Variants in ADAMTS9 observed in about 807,000 individuals in gnomAD.
ADAMTS9 encodes the protein ADAM metallopeptidase with thrombospondin type 1 motif 9.
A neutral mutation model predicts 257.1 loss-of-function variants in ADAMTS9; 107 were observed. The ratio of observed to expected loss-of-function variants is 0.42; its 90% CI spans 0.36 to 0.49. The LOEUF (loss-of-function observed/expected upper bound fraction) is 0.49, where lower values mean the gene tolerates loss of function less well. Ranked by LOEUF, ADAMTS9 falls within the 20% of genes least tolerant of loss-of-function variation. The pLI, the probability that ADAMTS9 is intolerant of heterozygous loss-of-function variation, is 0.03. For synonymous variants in ADAMTS9, 982 were observed against 880.9 expected (o/e 1.11, Z -2.03); for missense variants, 2,353 against 2,469.1 (o/e 0.95, Z 1.00).
rs760094936 is a variant in ADAMTS9, at chr3:64,550,980, C to T, written c.4781G>A (p.Arg1594His). The T allele has an allele frequency of 3.2e-5, 52 of 1,614,100 alleles. No individual in the cohort carries two copies. Among genetic ancestry groups the T allele is most frequent in the Admixed American group, 1.5e-4 (9 of 60,008 alleles). Residue 1594 changes from arginine to histidine, a missense_variant, in exon 31 of 40, where the codon CGC becomes CAC. Arg to His is a conservative substitution (Grantham distance 29, BLOSUM62 0). Coordinates refer to ENST00000498707, the MANE Select transcript of ADAMTS9 (RefSeq NM_182920.2). ...DDNKNEVHGA[R>H]CDVSKRPVDR... ...CACCGGCCGCTTGCTCACGTCACAG[C>T]GTGCCCCATGCACCTCGTTTTTGTT... is the stretch of plus-strand genomic sequence containing the variant.
chr3:64,666,457 C>A (rs1701355921), intron 3 of ADAMTS9, among the ~76,000 whole-genome samples: 1 of 152,194 alleles, frequency 6.6e-6, no homozygotes, highest in Non-Finnish European at 1.5e-5. Flanking sequence ...GGCGAGACCC[C>A]TTTCTGCTCC....
At chr3:64,637,355 T>G (rs1225601437) in intron 12 of ADAMTS9, among the ~76,000 whole-genome samples, 2 of 152,204 alleles carry the variant, frequency 1.3e-5, no homozygotes, top group African/African-American at 4.8e-5. Flanking sequence ...ACTTCCCAAC[T>G]ATTAAGATCC....
intron 28 of ADAMTS9, among the ~76,000 whole-genome samples, chr3:64,593,184 C>T (rs2084294364): frequency 6.6e-6 from 1 of 152,062 alleles, no homozygotes; most frequent in Admixed American, 6.6e-5. Flanking sequence ...TAGATTTCTG[C>T]CTAATACAAA....
intron 19 of ADAMTS9, among the ~76,000 whole-genome samples, chr3:64,617,416 C>A (rs552778588): frequency 6.6e-6 from 1 of 152,258 alleles, no homozygotes; most frequent in Middle Eastern, 3.4e-3. Context: ...AGAATCTGAG[C>A]AGAGAATCTT....
At chr3:64,522,497 T>C (rs1426697592) in intron 38 of ADAMTS9, 5 of 360,490 alleles carry the variant, frequency 1.4e-5, no homozygotes, top group Admixed American at 4.5e-5. Context: ...TTTATATTTT[T>C]AAATAATTGA....
In ADAMTS9 at chr3:64,627,802, G is replaced by A. The variant is rs200414471; in HGVS notation, c.2389+3653C>T. Among the ~76,000 whole-genome samples the A allele has an allele frequency of 2.6e-5, 4 of 151,880 alleles. No homozygotes were observed. In the South Asian group the frequency reaches 8.3e-4, roughly 32 times the overall value. On this transcript the variant is annotated intron_variant, in intron 16 of 39. Transcript: ENST00000498707. The stretch of plus-strand genomic sequence containing the variant: ...TAGAATACACAGAAAAGTATGGCTT[G>A]GCTGACACTGAAAAAAAACATAAGG...
In ADAMTS9 at chr3:64,533,168, G is replaced by A; in HGVS notation, c.5716C>T (p.Pro1906Ser). Residue 1906 changes from proline (P) to serine (S), a missense_variant and splice_region_variant, in exon 38 of 40, where the codon CCG (proline) becomes TCG (serine). By Grantham distance (74) the Pro-to-Ser change is moderately conservative. Transcript: ENST00000498707. The stretch of plus-strand genomic sequence containing the variant: ...CCAACCCATCTGTAGAACCTTACCG[G>A]CGACTTCTTGATGTCAGAGACAGCA... ...NYAVSDIKKSPDGTRVVGKCG... is the reference protein window; with the variant it reads ...NYAVSDIKKSSDGTRVVGKCG... The A allele has an allele frequency of 6.2e-7, 1 of 1,612,262 alleles. No homozygotes were observed. The highest frequency in any genetic ancestry group is 8.5e-7 in the Non-Finnish European group (1 of 1,178,484).
intron 10 of ADAMTS9, among the ~76,000 whole-genome samples, chr3:64,648,499 T>C (rs1700851213): frequency 6.6e-6 from 1 of 152,232 alleles, no homozygotes; most frequent in Non-Finnish European, 1.5e-5. Context: ...CTAAACACTC[T>C]GTTTTTTAGA....
In ADAMTS9 at chr3:64,518,841, G is replaced by A. The variant is rs951850613; in HGVS notation, c.*6-1720C>T. 3.6e-4 allele frequency among the ~76,000 whole-genome samples: 54 copies of A among 148,306 alleles called. 1 individual carries two copies. Among genetic ancestry groups the A allele is most frequent in the African/African-American group, 1.3e-3 (54 of 40,150 alleles). ...AGGCTGGAGTGCAGTGGCGGGGCGT[G>A]GTCTTGGCTGACTGCAACCTCTGTC... On this transcript the variant is annotated intron_variant, in intron 39 of 39. Transcript: ENST00000498707.
intron 28 of ADAMTS9, among the ~76,000 whole-genome samples, chr3:64,578,108 T>C (rs974469542): frequency 4.6e-5 from 7 of 152,198 alleles, no homozygotes; most frequent in African/African-American, 1.4e-4. Context: ...TGAGCCTGTA[T>C]CCAGAGAAAT....
Position 64,578,170 on chromosome 3 carries a change from C to T in ADAMTS9, c.4357-9635G>A, listed in dbSNP as rs60831751. ...ATTTTAACCATTATCAAATTAGATG[C>T]TCATCCTCCAATTTAGCATTGCTCT... On this transcript the variant is annotated intron_variant, in intron 28 of 39. Transcript: ENST00000498707. Among the ~76,000 whole-genome samples the T allele has an allele frequency of 5.1e-3, 774 of 152,250 alleles. 2 individuals are homozygous for T. Among genetic ancestry groups the T allele is most frequent in the African/African-American group, 0.018 (748 of 41,546 alleles).
intron 12 of ADAMTS9, among the ~76,000 whole-genome samples, chr3:64,638,113 A>T (rs9852665): frequency 0.55 from 83,066 of 152,010 alleles, 24,104 homozygotes; most frequent in African/African-American, 0.75. Context: ...AATCCTTTTA[A>T]CCCTCAAATC....
At chr3:64,603,565 G>A (rs1277901027) in intron 25 of ADAMTS9, among the ~76,000 whole-genome samples, 1 of 152,072 alleles carries the variant, frequency 6.6e-6, no homozygotes, top group Non-Finnish European at 1.5e-5. Flanking sequence ...TAGACTCAGA[G>A]TAAGAGCCTC....
intron 28 of ADAMTS9, among the ~76,000 whole-genome samples, chr3:64,586,147 G>A (rs11715530): frequency 0.17 from 25,407 of 152,110 alleles, 2,803 homozygotes; most frequent in Non-Finnish European, 0.24. Flanking sequence ...CTACTGAGCA[G>A]TGAGATCAAC....
chr3:64,616,344 G>A, intron 19 of ADAMTS9, among the ~76,000 whole-genome samples, 174 bp from the exon 20 acceptor site: 1 of 152,164 alleles, frequency 6.6e-6, no homozygotes, highest in Non-Finnish European at 1.5e-5. Flanking sequence ...ACATATCCAT[G>A]TGTTTTTCAT....
At position 64,561,802 on chromosome 3, in the gene ADAMTS9, G is replaced by C. The variant is rs747686401; in HGVS notation, c.4525-51C>G. 4.4e-6 allele frequency: 4 copies of C among 919,358 alleles called. No homozygotes were observed. The African/African-American group carries it at 7.0e-5, about 16-fold the overall frequency. The allele number at this position is 919,358 out of a possible 1,614,324, so 57.0% of individuals were successfully genotyped here. A position where few individuals can be genotyped will look rare whatever the true frequency, so the allele number is the denominator to read the frequency against. On this transcript the variant is annotated intron_variant, in intron 29 of 39. Transcript: ENST00000498707. ...GAGCTTCGGCTCATTTATTTTTTGG[G>C]GGGGCGGGGGGTGTCGAGGGTCACA...
chr3:64,622,466 T>C lies in ADAMTS9; in HGVS notation c.2510A>G (p.Glu837Gly). ...VEYSGSETAV[E>G]RINSTDRIEQ... is the part of the protein sequence containing the mutation. ...AATGCGATCTGTTGAGTTAATTCTTTCTACGGCAGTCTCGGACCCACTGTA... is the reference window on the plus strand; with the variant it reads ...AATGCGATCTGTTGAGTTAATTCTTCCTACGGCAGTCTCGGACCCACTGTA... Residue 837 changes from glutamate (E) to glycine (G), a missense_variant, in exon 17 of 40, where the codon GAA becomes GGA. Glu to Gly is a moderately conservative substitution (Grantham distance 98, BLOSUM62 -2). Coordinates refer to ENST00000498707, the MANE Select transcript of ADAMTS9 (RefSeq NM_182920.2). 1 of 1,614,074 alleles carries C rather than the reference T, an allele frequency of 6.2e-7. No homozygotes were observed.
At chr3:64,680,368 T>G (rs1393880010) in intron 3 of ADAMTS9, among the ~76,000 whole-genome samples, 1 of 152,218 alleles carries the variant, frequency 6.6e-6, no homozygotes, top group African/African-American at 2.4e-5. Flanking sequence ...AAGAATTTTT[T>G]TTTAAGTATT....
rs985249629 is a variant in ADAMTS9 at position 64,681,145 on chromosome 3, T to C, written c.679+56A>G. 1.5e-5 allele frequency: 23 copies of C among 1,563,998 alleles called. No homozygotes were observed. In the African/African-American group the frequency reaches 1.8e-4, roughly 12 times the overall value. Reference sequence around the variant, plus strand: ...GAAAGAGAGCTACATCTCTGTAGTATAGCAATTTACCCATCTCAAAGAGCT... The same window carrying C: ...GAAAGAGAGCTACATCTCTGTAGTACAGCAATTTACCCATCTCAAAGAGCT... On this transcript the variant is annotated intron_variant, in intron 3 of 39. Transcript: ENST00000498707.
Sources: allele counts gnomAD v4.1 joint callset (sites outside exome capture counted in the v4.1 genomes callset), GRCh38; gene constraint gnomAD v4.1.1; transcripts MANE v1.5; gene names NCBI Gene and HGNC (gene_info 2026-07-23, HGNC 2026-07-21).